Variants in DCLK1 observed in about 807,000 individuals in gnomAD.
DCLK1 encodes the protein doublecortin like kinase 1, also known as serine/threonine-protein kinase DCLK1.
A neutral mutation model predicts 86.2 loss-of-function variants in DCLK1; 16 were observed. The observed-to-expected ratio is 0.19, with a 90% CI of 0.13 to 0.28. The LOEUF is 0.28. Ranked by LOEUF, DCLK1 falls within the 10% of genes least tolerant of loss-of-function variation. DCLK1 has a pLI of 1.00. For missense variants in DCLK1, 590 were observed against 940.2 expected, an observed-to-expected ratio of 0.63 and a Z score of 4.87; for synonymous variants, 369 against 370.5, an observed-to-expected ratio of 1.00 and a Z score of 0.05.
intron 3 of DCLK1, among the ~76,000 whole-genome samples, chr13:35,994,548 T>A (rs1289454963): frequency 6.6e-6 from 1 of 152,166 alleles, no homozygotes; most frequent in Non-Finnish European, 1.5e-5. Flanking sequence ...CTGGTAATTA[T>A]ACTAAAAATA....
At chr13:35,889,563 T>G (rs896192675) in intron 4 of DCLK1, among the ~76,000 whole-genome samples, 2 of 152,154 alleles carry the variant, frequency 1.3e-5, no homozygotes, top group Non-Finnish European at 2.9e-5. Flanking sequence ...TTTTAATTCT[T>G]TAAATGACTA....
chr13:35,848,023 A>G, intron 6 of DCLK1: 2 of 985,306 alleles, frequency 2.0e-6, no homozygotes, highest in Non-Finnish European at 2.4e-6. Context: ...GAAAGCAGGG[A>G]AATATTCCTA....
At chr13:35,926,058 CTT>C (rs71797601) in intron 4 of DCLK1, among the ~76,000 whole-genome samples, 4 of 144,114 alleles carry the variant, frequency 2.8e-5, no homozygotes, top group East Asian at 2.0e-4. Flanking sequence ...CAAATGTAAT[CTT>C]TTTTTTTTTT....
intron 3 of DCLK1, among the ~76,000 whole-genome samples, chr13:36,013,961 A>G (rs1473551456): frequency 1.3e-5 from 2 of 152,056 alleles, no homozygotes; most frequent in African/African-American, 4.8e-5. Flanking sequence ...TCTGAAAAGC[A>G]CAATATTCGC....
At chr13:36,002,122 A>G (rs909486354) in intron 3 of DCLK1, among the ~76,000 whole-genome samples, 7 of 152,230 alleles carry the variant, frequency 4.6e-5, no homozygotes, top group African/African-American at 9.6e-5. Context: ...GTGATGGCCA[A>G]TTCAAGGCTT....
At chr13:36,022,868 AG>A (rs1477332720) in intron 3 of DCLK1, among the ~76,000 whole-genome samples, 4 of 152,228 alleles carry the variant, frequency 2.6e-5, no homozygotes, top group Admixed American at 1.3e-4. Context: ...CTTCCAAAAA[AG>A]AGGAAATAAA....
chr13:35,984,577 G>A (rs1302322984), intron 3 of DCLK1, among the ~76,000 whole-genome samples: 1 of 152,182 alleles, frequency 6.6e-6, no homozygotes, highest in Non-Finnish European at 1.5e-5. Flanking sequence ...GTCTGCCTCT[G>A]CTCGCTAAAG....
chr13:36,075,361 G>T (rs1277449945), intron 3 of DCLK1, among the ~76,000 whole-genome samples: 1 of 152,094 alleles, frequency 6.6e-6, no homozygotes, highest in Non-Finnish European at 1.5e-5. Context: ...ATCACGCAGG[G>T]GGTAATAGAA....
At chr13:36,104,735 G>T (rs928922308) in intron 3 of DCLK1, among the ~76,000 whole-genome samples, 1 of 151,942 alleles carries the variant, frequency 6.6e-6, no homozygotes, top group African/African-American at 2.4e-5. Flanking sequence ...TTTAAGGAAT[G>T]ACCTGTACCA....
At chr13:36,083,179 G>A (rs1388224921) in intron 3 of DCLK1, among the ~76,000 whole-genome samples, 6 of 152,146 alleles carry the variant, frequency 3.9e-5, no homozygotes, top group Non-Finnish European at 5.9e-5. Flanking sequence ...CCATATTAAA[G>A]TAGAAAAAGA....
At chr13:35,907,246 T>C in intron 4 of DCLK1, among the ~76,000 whole-genome samples, 1 of 152,212 alleles carries the variant, frequency 6.6e-6, no homozygotes, top group East Asian at 1.9e-4. Context: ...CACTGCTCAC[T>C]TGACCTCTCG....
intron 5 of DCLK1, among the ~76,000 whole-genome samples, chr13:35,866,440 G>A (rs1593677930): frequency 6.9e-6 from 1 of 144,710 alleles, no homozygotes; most frequent in African/African-American, 2.6e-5. Flanking sequence ...TGTTTTGGGG[G>A]AAAACAAAGA....
intron 6 of DCLK1, chr13:35,847,388 T>C (rs1870257041): frequency 2.8e-5 from 28 of 985,140 alleles, no homozygotes; most frequent in Non-Finnish European, 3.3e-5. Flanking sequence ...ATACTATACT[T>C]TACTGTTGAT....
At chr13:35,936,962 C>CTTTTTTTTTTGTTTTTTTTTTTTTTTTT (rs1876788328) in intron 4 of DCLK1, among the ~76,000 whole-genome samples, 1 of 65,712 alleles carries the variant, frequency 1.5e-5, no homozygotes, top group Non-Finnish European at 3.0e-5. Context: ...GAAAAGTTAG[C>CTTTTTTTTTTGTTTTTTTTTTTTTTTTT]TTTTTTTTTT....
intron 4 of DCLK1, among the ~76,000 whole-genome samples, chr13:35,877,479 G>A (rs953883202): frequency 1.3e-5 from 2 of 152,232 alleles, no homozygotes; most frequent in African/African-American, 4.8e-5. Context: ...GGAGAATCTT[G>A]AACAAGGCAT....
chr13:35,964,507 A>C (rs1878625597), intron 3 of DCLK1, among the ~76,000 whole-genome samples: 1 of 152,234 alleles, frequency 6.6e-6, no homozygotes, highest in African/African-American at 2.4e-5. Context: ...GCCTTCAGGA[A>C]GACATTAAAT....
chr13:36,128,995 C>T (rs964713439), intron 1 of DCLK1, among the ~76,000 whole-genome samples: 1 of 152,194 alleles, frequency 6.6e-6, no homozygotes, highest in African/African-American at 2.4e-5. Context: ...CACACCAACT[C>T]ACTAAGTTCT....
At chr13:35,822,599 C>G (rs1295075157) in intron 11 of DCLK1, 130 bp downstream of exon 11, 2 of 1,334,604 alleles carry the variant, frequency 1.5e-6, no homozygotes, top group Non-Finnish European at 2.1e-6. Flanking sequence ...CCAACTAGCT[C>G]CTGAAGGCTA....
At chr13:35,816,833 A>C (rs1223292097) in intron 11 of DCLK1, among the ~76,000 whole-genome samples, 5 of 152,154 alleles carry the variant, frequency 3.3e-5, no homozygotes, top group African/African-American at 1.2e-4. Context: ...TCATACTGCA[A>C]AACCCTGATG....
Sources: allele counts gnomAD v4.1 joint callset (sites outside exome capture counted in the v4.1 genomes callset), GRCh38; gene constraint gnomAD v4.1.1; transcripts MANE v1.5; gene names NCBI Gene and HGNC (gene_info 2026-07-23, HGNC 2026-07-21).